PHLPP2: variants seen among roughly 807,000 people sequenced by gnomAD.
The protein encoded by PHLPP2 is PH domain leucine-rich repeat-containing protein phosphatase 2.
In PHLPP2, 66 loss-of-function variants were observed where a neutral mutation model predicts 124.9. The ratio of observed to expected loss-of-function variants is 0.53; its 90% CI spans 0.43 to 0.65. PHLPP2 has a LOEUF of 0.65. PHLPP2 is among the 30% of genes least tolerant of loss of function. The pLI, the probability that PHLPP2 is intolerant of heterozygous loss-of-function variation, is 0.00. For missense variants in PHLPP2, 1,685 were observed against 1,600.4 expected, an observed-to-expected ratio of 1.05 and a Z score of -0.90; for synonymous variants, 681 against 624.7, an observed-to-expected ratio of 1.09 and a Z score of -1.34.
At chr16:71,652,446 T>A (rs774607246) in intron 18 of PHLPP2, among the ~76,000 whole-genome samples, 2 of 152,230 alleles carry the variant, frequency 1.3e-5, no homozygotes, top group Non-Finnish European at 2.9e-5. Context: ...AATGGGGATG[T>A]CAAACTAGAG....
intron 6 of PHLPP2, among the ~76,000 whole-genome samples, chr16:71,680,168 C>T (rs1026361255): frequency 6.6e-6 from 1 of 152,078 alleles, no homozygotes; most frequent in Non-Finnish European, 1.5e-5. Context: ...ACTTGATATG[C>T]TTGAAATCTT....
rs769444731 is a variant in PHLPP2, at chr16:71,714,812, T to C, written c.-6-11A>G. On this transcript the variant is annotated splice_polypyrimidine_tract_variant and intron_variant, in intron 1 of 18. Transcript: ENST00000568954. ...GCGTTTCATATTTCTCTAAAAAATA[T>C]CAAGAGAAAGAAATCGTTAGCTAGA... 3.1e-6 allele frequency: 5 copies of C among 1,604,500 alleles called. No homozygotes were observed. The highest frequency in any genetic ancestry group is 2.2e-5 in the East Asian group (1 of 44,824).
intron 2 of PHLPP2, among the ~76,000 whole-genome samples, chr16:71,706,946 A>ATTTTT (rs66510124): frequency 4.2e-5 from 3 of 71,254 alleles, no homozygotes; most frequent in African/African-American, 5.4e-5. Flanking sequence ...AAGATACACC[A>ATTTTT]TTTTTTTTTT....
intron 3 of PHLPP2, chr16:71,698,579 G>C (rs1401686532): frequency 1.6e-6 from 1 of 632,356 alleles, no homozygotes; most frequent in Non-Finnish European, 3.0e-6. Context: ...CTGTCTCTAA[G>C]GTCCCTTAGA....
chr16:71,723,827 G>A lies in PHLPP2; in HGVS notation c.-7+502C>T, dbSNP rs1369273765. On this transcript the variant is annotated intron_variant, in intron 1 of 18. Transcript: ENST00000568954. ...CGCGGGCGCTTCGGGCGGCTCCGGG[G>A]GCTCCAGCGGGCCCGCGGGCCCCGG... 5 of 1,252,044 alleles carry A rather than the reference G, an allele frequency of 4.0e-6. No individual in the cohort carries two copies. In the East Asian group the frequency reaches 1.0e-4, roughly 26 times the overall value. The allele number at this position is 1,252,044 out of a possible 1,614,324, so 77.6% of individuals were successfully genotyped here.
At chr16:71,651,891 A>G (rs1047035522) in intron 18 of PHLPP2, among the ~76,000 whole-genome samples, 5 of 152,262 alleles carry the variant, frequency 3.3e-5, no homozygotes, top group African/African-American at 1.2e-4. Flanking sequence ...TATTAACTCA[A>G]AACAGACCAT....
At chr16:71,661,916 G>A (rs912790861) in intron 13 of PHLPP2, among the ~76,000 whole-genome samples, 31 of 151,464 alleles carry the variant, frequency 2.0e-4, no homozygotes, top group Admixed American at 1.2e-3. Context: ...CTCTGCCTCC[G>A]GGGTTCAAGC....
chr16:71,705,494 CT>C (rs1259533802), intron 2 of PHLPP2, among the ~76,000 whole-genome samples: 2 of 151,832 alleles, frequency 1.3e-5, no homozygotes, highest in South Asian at 2.1e-4. Flanking sequence ...TTACACATGT[CT>C]TTTTTTTCTT....
chr16:71,694,510 T>A (rs917412312), intron 3 of PHLPP2, among the ~76,000 whole-genome samples: 2 of 151,990 alleles, frequency 1.3e-5, no homozygotes, highest in Non-Finnish European at 2.9e-5. Context: ...TAAATAAAAA[T>A]TTTAAACTTA....
At position 71,702,750 on chromosome 16, in the gene PHLPP2, A is replaced by C; in HGVS notation, c.285-19T>G. On this transcript the variant is annotated intron_variant, in intron 2 of 18. Transcript: ENST00000568954. ...CAGTCTCCTGATTACACAATTCAAA[A>C]AAATATATATATTTGGTAAGTAATA... 1 of 1,528,444 alleles carries C rather than the reference A, an allele frequency of 6.5e-7. No individual in the cohort carries two copies. Among genetic ancestry groups the C allele is most frequent in the Non-Finnish European group, 8.9e-7 (1 of 1,123,738 alleles). 94.7% of individuals were successfully genotyped at this position (1,528,444 alleles called of 1,614,324 possible).
intron 3 of PHLPP2, among the ~76,000 whole-genome samples, chr16:71,699,594 C>G (rs1367841103): frequency 1.3e-5 from 2 of 152,172 alleles, no homozygotes; most frequent in Admixed American, 1.3e-4. Flanking sequence ...TCCACATGAC[C>G]TCATGCCTCT....
chr16:71,681,370 T>C (rs560713770), intron 6 of PHLPP2, among the ~76,000 whole-genome samples: 3 of 152,358 alleles, frequency 2.0e-5, no homozygotes, highest in African/African-American at 2.4e-5. Context: ...AAAGAGAAGA[T>C]AGAGCCTTGT....
At chr16:71,692,016 G>A (rs1455101580) in intron 3 of PHLPP2, among the ~76,000 whole-genome samples, 2 of 151,810 alleles carry the variant, frequency 1.3e-5, no homozygotes, top group African/African-American at 4.8e-5. Context: ...GTATGAGGTG[G>A]TCCAAACAGT....
intron 17 of PHLPP2, among the ~76,000 whole-genome samples, chr16:71,654,287 C>G (rs937623160): frequency 2.0e-5 from 3 of 147,664 alleles, no homozygotes; most frequent in Non-Finnish European, 4.4e-5. Flanking sequence ...GACAAACAAC[C>G]TCTCAGTTGT....
chr16:71,694,661 A>T (rs554914417), intron 3 of PHLPP2, among the ~76,000 whole-genome samples: 1 of 152,328 alleles, frequency 6.6e-6, no homozygotes, highest in South Asian at 2.1e-4. Context: ...AAACAGAAAC[A>T]TGTACAAAAA....
At chr16:71,702,945 C>T (rs372361396) in intron 2 of PHLPP2, among the ~76,000 whole-genome samples, 7 of 152,116 alleles carry the variant, frequency 4.6e-5, no homozygotes, top group East Asian at 3.9e-4. Context: ...TCCTTCACTC[C>T]CACCCCACCC....
At chr16:71,718,993 T>G (rs2145389053) in intron 1 of PHLPP2, among the ~76,000 whole-genome samples, 1 of 152,334 alleles carries the variant, frequency 6.6e-6, no homozygotes, top group Middle Eastern at 3.4e-3. Context: ...CTCAAGAATG[T>G]CTTGCTCCAC....
chr16:71,689,553 C>T (rs2045088538), intron 4 of PHLPP2, among the ~76,000 whole-genome samples: 2 of 151,972 alleles, frequency 1.3e-5, no homozygotes, highest in Non-Finnish European at 2.9e-5. Flanking sequence ...CCACCATGCC[C>T]AGCTAATTTT....
chr16:71,679,048 G>A (rs1417263351), intron 7 of PHLPP2, 63 bp from the exon 8 acceptor site: 1 of 891,184 alleles, frequency 1.1e-6, no homozygotes, highest in Non-Finnish European at 1.8e-6. Context: ...CACAGAATCA[G>A]AGTTAGGGAT....
Sources: allele counts gnomAD v4.1 joint callset (sites outside exome capture counted in the v4.1 genomes callset), GRCh38; gene constraint gnomAD v4.1.1; transcripts MANE v1.5; gene names NCBI Gene and HGNC (gene_info 2026-07-23, HGNC 2026-07-21).